PTPRR: variants seen among roughly 807,000 people sequenced by gnomAD.
PTPRR encodes protein tyrosine phosphatase receptor type R, also known as receptor-type tyrosine-protein phosphatase R.
A neutral mutation model predicts 77.2 loss-of-function variants in PTPRR; 38 were observed. That is an observed-to-expected ratio of 0.49 (90% CI 0.38 to 0.65). The LOEUF (loss-of-function observed/expected upper bound fraction) is 0.65, where lower values mean the gene tolerates loss of function less well. Among genes scored for constraint, PTPRR ranks in the 30% least tolerant of loss-of-function variants. The pLI, the probability that PTPRR is intolerant of heterozygous loss-of-function variation, is 0.00. For missense variants in PTPRR, 744 were observed against 799.2 expected, an observed-to-expected ratio of 0.93 and a Z score of 0.83; for synonymous variants, 299 against 283.1, an observed-to-expected ratio of 1.06 and a Z score of -0.57.
At chr12:70,812,393 T>C (rs1217908500) in intron 2 of PTPRR, among the ~76,000 whole-genome samples, 2 of 152,116 alleles carry the variant, frequency 1.3e-5, no homozygotes, top group Non-Finnish European at 2.9e-5. Flanking sequence ...CATGAAACAT[T>C]AACACTGATT....
At chr12:70,903,214 T>G (rs940395684) in intron 1 of PTPRR, among the ~76,000 whole-genome samples, 4 of 151,834 alleles carry the variant, frequency 2.6e-5, no homozygotes. Flanking sequence ...GTCAATAATT[T>G]ATTGTGTATT....
intron 13 of PTPRR, among the ~76,000 whole-genome samples, chr12:70,645,151 T>A (rs1378640269): frequency 6.6e-6 from 1 of 152,186 alleles, no homozygotes; most frequent in Non-Finnish European, 1.5e-5. Context: ...TAGGACTAGA[T>A]GCCAATCCCA....
intron 1 of PTPRR, among the ~76,000 whole-genome samples, chr12:70,900,768 A>C (rs1288964634): frequency 6.6e-6 from 1 of 151,692 alleles, no homozygotes; most frequent in African/African-American, 2.4e-5. Context: ...AGGTAAATGA[A>C]AATATGCTCA....
chr12:70,866,932 C>T (rs947130541), intron 2 of PTPRR, among the ~76,000 whole-genome samples: 4 of 151,454 alleles, frequency 2.6e-5, no homozygotes, highest in African/African-American at 7.3e-5. Context: ...AGACAAAAAC[C>T]GCATGATGAT....
chr12:70,849,731 G>A (rs752097131), intron 2 of PTPRR, among the ~76,000 whole-genome samples: 32 of 152,134 alleles, frequency 2.1e-4, no homozygotes, highest in Non-Finnish European at 3.2e-4. Flanking sequence ...TATGGTGATC[G>A]TTTCATCTGG....
chr12:70,902,355 A>G (rs527710992), intron 1 of PTPRR, among the ~76,000 whole-genome samples: 42 of 152,018 alleles, frequency 2.8e-4, no homozygotes, highest in Admixed American at 5.3e-4. Flanking sequence ...TGAAAAAGAT[A>G]CTTGCAAACA....
Position 70,670,545 on chromosome 12 carries a change from A to G in PTPRR, c.1498-7940T>C, listed in dbSNP as rs571328661. ...AAATTGTGCTTAGCACATATGATCA[A>G]TAAATGGTAGTGGCTAGAAAACATC... On this transcript the variant is annotated intron_variant, in intron 10 of 13. Coordinates refer to ENST00000283228, the MANE Select transcript of PTPRR (RefSeq NM_002849.4). Among the ~76,000 whole-genome samples, 11 of 152,374 alleles carry G rather than the reference A, an allele frequency of 7.2e-5. No homozygotes were observed. The South Asian group carries it at 2.3e-3, about 32-fold the overall frequency.
chr12:70,805,782 T>C (rs534498578), intron 2 of PTPRR, among the ~76,000 whole-genome samples: 6 of 152,346 alleles, frequency 3.9e-5, no homozygotes, highest in African/African-American at 1.4e-4. Flanking sequence ...TTCGGATGCA[T>C]TGCTCAAGAT....
chr12:70,835,783 A>T (rs75517024), intron 2 of PTPRR, among the ~76,000 whole-genome samples: 4,853 of 152,238 alleles, frequency 0.032, 280 homozygotes, highest in African/African-American at 0.11. Flanking sequence ...TTTTAATAAA[A>T]TAAACATTTC....
intron 2 of PTPRR, among the ~76,000 whole-genome samples, chr12:70,823,975 C>T (rs1195332937): frequency 6.6e-6 from 1 of 152,146 alleles, no homozygotes. Flanking sequence ...GAGGGAGACA[C>T]AAGGGGAAGG....
At position 70,747,403 on chromosome 12, in the gene PTPRR, A is replaced by G. The variant is rs181249703; in HGVS notation, c.739-1317T>C. ...CTTTACAAAAATACACTTAGAAGAT[A>G]AGGCATATATTATATATTTTAAGCT... is the stretch of plus-strand genomic sequence containing the variant. On this transcript the variant is annotated intron_variant, in intron 5 of 13. Coordinates refer to ENST00000283228, the MANE Select transcript of PTPRR (RefSeq NM_002849.4). Among the ~76,000 whole-genome samples, 11 of 152,368 alleles carry G rather than the reference A, an allele frequency of 7.2e-5. No homozygotes were observed. The East Asian group carries it at 2.1e-3, about 29-fold the overall frequency.
chr12:70,722,726 A>C (rs1889301906), intron 6 of PTPRR, among the ~76,000 whole-genome samples: 1 of 152,194 alleles, frequency 6.6e-6, no homozygotes, highest in African/African-American at 2.4e-5. Context: ...AATTACAAGC[A>C]GCAGAGGCCT....
chr12:70,670,108 T>G (rs910954849), intron 10 of PTPRR, among the ~76,000 whole-genome samples: 25 of 152,272 alleles, frequency 1.6e-4, no homozygotes, highest in African/African-American at 6.0e-4. Context: ...ATGGGCAAAA[T>G]GGGGCTTAGA....
chr12:70,801,093 A>G (rs753185323), intron 2 of PTPRR, among the ~76,000 whole-genome samples: 29 of 152,164 alleles, frequency 1.9e-4, no homozygotes, highest in Non-Finnish European at 4.0e-4. Context: ...AATAGAGTAA[A>G]AAGATCTATA....
chr12:70,854,671 G>A (rs1456044586), intron 2 of PTPRR, among the ~76,000 whole-genome samples: 1 of 152,226 alleles, frequency 6.6e-6, no homozygotes, highest in Non-Finnish European at 1.5e-5. Context: ...GGTAGAGGCT[G>A]GCTCTGGATC....
chr12:70,905,899 T>A (rs1016621093), intron 1 of PTPRR, among the ~76,000 whole-genome samples: 1 of 152,030 alleles, frequency 6.6e-6, no homozygotes, highest in African/African-American at 2.4e-5. Flanking sequence ...ATTGTTTTGT[T>A]AGGAATGTTA....
chr12:70,664,919 G>C (rs1394144366), intron 10 of PTPRR, among the ~76,000 whole-genome samples: 3 of 152,164 alleles, frequency 2.0e-5, no homozygotes, highest in Non-Finnish European at 4.4e-5. Context: ...ATATGAGGTG[G>C]GGGACAGCTG....
At chr12:70,660,757 A>G (rs1024908875) in intron 12 of PTPRR, among the ~76,000 whole-genome samples, 183 bp downstream of exon 12, 6 of 152,240 alleles carry the variant, frequency 3.9e-5, no homozygotes, top group Non-Finnish European at 7.3e-5. Flanking sequence ...ACCTAAAAGC[A>G]TGACTTCACT....
intron 2 of PTPRR, among the ~76,000 whole-genome samples, chr12:70,888,857 G>A (rs978202761): frequency 6.6e-6 from 1 of 151,960 alleles, no homozygotes; most frequent in Non-Finnish European, 1.5e-5. Context: ...AAGTATACAG[G>A]CTACTGTAGT....
Sources: gnomAD v4.1 joint callset for allele counts (sites outside exome capture counted in the v4.1 genomes callset) on GRCh38, gnomAD v4.1.1 for gene constraint, MANE v1.5 for transcripts, NCBI Gene and HGNC (gene_info 2026-07-23, HGNC 2026-07-21) for gene names.